ATP2B2: variants seen among roughly 807,000 people sequenced by gnomAD.
The protein encoded by ATP2B2 is plasma membrane calcium-transporting ATPase 2.
A neutral mutation model predicts 120.0 loss-of-function variants in ATP2B2; 15 were observed. That is an observed-to-expected ratio of 0.12 (90% CI 0.08 to 0.19). ATP2B2 has a LOEUF of 0.19. Among genes scored for constraint, ATP2B2 ranks in the 10% least tolerant of loss-of-function variants. The probability of loss-of-function intolerance (pLI) is 1.00; values close to 1 mark genes in which losing one functional copy is unlikely to be tolerated. For missense variants in ATP2B2, 1,045 were observed against 1,719.8 expected (o/e 0.61, Z 6.94); for synonymous variants, 694 against 700.3 (o/e 0.99, Z 0.14).
At chr3:10,386,114 G>T (rs772258757) in intron 7 of ATP2B2, among the ~76,000 whole-genome samples, 5 of 152,212 alleles carry the variant, frequency 3.3e-5, no homozygotes, top group African/African-American at 9.7e-5. Context: ...ACACTGTTGC[G>T]TGAGGGCATG....
intron 3 of ATP2B2, among the ~76,000 whole-genome samples, chr3:10,523,042 A>C (rs1246408547): frequency 1.3e-5 from 2 of 152,258 alleles, no homozygotes; most frequent in Non-Finnish European, 2.9e-5. Context: ...ACAGATGTGG[A>C]TAGTGAGGGT....
intron 2 of ATP2B2, among the ~76,000 whole-genome samples, chr3:10,562,174 G>A (rs1183265993): frequency 6.6e-6 from 1 of 152,150 alleles, no homozygotes; most frequent in Non-Finnish European, 1.5e-5. Flanking sequence ...CCATGGGTGG[G>A]GAGAAAAGCC....
intron 1 of ATP2B2, among the ~76,000 whole-genome samples, chr3:10,648,399 C>T (rs1408359407): frequency 2.0e-5 from 3 of 152,236 alleles, no homozygotes; most frequent in Non-Finnish European, 4.4e-5. Flanking sequence ...CCTTTCTCCT[C>T]CCAGCATCAA....
chr3:10,666,603 C>T (rs995561501), intron 1 of ATP2B2, among the ~76,000 whole-genome samples: 15 of 152,332 alleles, frequency 9.8e-5, no homozygotes, highest in East Asian at 7.7e-4. Flanking sequence ...TCTATGCATA[C>T]ACCAGATAAG....
In ATP2B2 at chr3:10,410,817, TG is replaced by T; in HGVS notation, c.200-3del. On this transcript the variant is annotated splice_polypyrimidine_tract_variant and splice_region_variant and intron_variant, in intron 2 of 22. Transcript: ENST00000360273. Reference sequence around the variant, plus strand: ...GGTCTGGAGCGGTGCCCGGCAAACCTGTGGACAGAGAACAGAGAGGTTGGCT... The same window carrying T: ...GGTCTGGAGCGGTGCCCGGCAAACCTTGGACAGAGAACAGAGAGGTTGGCT... 6.2e-7 allele frequency: 1 copy of T among 1,613,538 alleles called. No homozygotes were observed. Among genetic ancestry groups the T allele is most frequent in the Non-Finnish European group, 8.5e-7 (1 of 1,180,020 alleles).
chr3:10,436,557 T>C (rs546491213), intron 2 of ATP2B2, among the ~76,000 whole-genome samples: 203 of 152,168 alleles, frequency 1.3e-3, no homozygotes, highest in Non-Finnish European at 1.9e-3. Flanking sequence ...GCTTTTGTAG[T>C]GGATTTTTCC....
chr3:10,397,008 T>G (rs1214421140), intron 5 of ATP2B2, among the ~76,000 whole-genome samples: 1 of 152,208 alleles, frequency 6.6e-6, no homozygotes, highest in Non-Finnish European at 1.5e-5. Context: ...GGGATCCACT[T>G]ACATCATATC....
intron 1 of ATP2B2, among the ~76,000 whole-genome samples, chr3:10,481,590 G>A (rs1207374244): frequency 1.3e-5 from 2 of 152,092 alleles, no homozygotes; most frequent in African/African-American, 4.8e-5. Context: ...GTCTCGCTCC[G>A]TTACCTAGGC....
chr3:10,607,170 G>A (rs1342974012), intron 2 of ATP2B2, among the ~76,000 whole-genome samples: 4 of 152,252 alleles, frequency 2.6e-5, no homozygotes, highest in East Asian at 1.9e-4. Context: ...GGTTGACCAC[G>A]TACTGGCTGT....
chr3:10,391,927 G>GTC (rs2061864716), intron 5 of ATP2B2, among the ~76,000 whole-genome samples: 1 of 152,156 alleles, frequency 6.6e-6, no homozygotes. Flanking sequence ...GGGCCTTGGT[G>GTC]TCTACCTCCC....
At position 10,627,602 on chromosome 3, in the gene ATP2B2, C is replaced by T. The variant is rs2069740714; in HGVS notation, c.-459-7641G>A. ...TGAGAAAAATGACCTCTCCCCCTCG[C>T]TGGATCCTTGTGCAAGGTCGGGTGT... On this transcript the variant is annotated intron_variant, in intron 1 of 21. Transcript: ENST00000646379. Among the ~76,000 whole-genome samples, 4 of 152,176 alleles carry T rather than the reference C, an allele frequency of 2.6e-5. No homozygotes were observed. In the South Asian group the frequency reaches 8.3e-4, roughly 32 times the overall value.
At chr3:10,365,380 C>T (rs187107145) in intron 12 of ATP2B2, among the ~76,000 whole-genome samples, 1 of 152,330 alleles carries the variant, frequency 6.6e-6, no homozygotes, top group Non-Finnish European at 1.5e-5. Context: ...TTTGGCAGAA[C>T]TTGGTTCCCA....
rs139919641 is a variant in ATP2B2, at chr3:10,385,287, C to T, written c.981G>A (p.Ala327=). The part of the protein sequence containing the change: ...GAAASNAADS[A]NASLVNGKMQ... Reference sequence around the variant, plus strand: ...ACATACCATTGACTAGGCTGGCATTCGCACTATCTGCAGCATTTGAAGCTG... The same window carrying T: ...ACATACCATTGACTAGGCTGGCATTTGCACTATCTGCAGCATTTGAAGCTG... Residue 327 remains alanine, a synonymous_variant, in exon 8 of 23, where the codon GCG becomes GCA. Coordinates refer to ENST00000360273, the MANE Select transcript of ATP2B2 (RefSeq NM_001001331.4). 67 of 1,613,834 alleles carry T rather than the reference C, an allele frequency of 4.2e-5. No individual in the cohort carries two copies. The highest frequency in any genetic ancestry group is 3.8e-4 in the South Asian group (35 of 91,052).
chr3:10,425,301 T>C (rs511273), intron 2 of ATP2B2, among the ~76,000 whole-genome samples: 116,194 of 151,944 alleles, frequency 0.76, 45,770 homozygotes, highest in East Asian at 0.99. Flanking sequence ...CAGAGCGAGA[T>C]GCTGTCTCAA....
intron 2 of ATP2B2, among the ~76,000 whole-genome samples, chr3:10,539,123 T>C (rs948459744): frequency 4.6e-5 from 7 of 152,200 alleles, no homozygotes; most frequent in African/African-American, 1.2e-4. Context: ...CCATTCACAA[T>C]TGCTTCAAAG....
At chr3:10,389,480 A>T (rs1252509173) in intron 5 of ATP2B2, among the ~76,000 whole-genome samples, 1 of 152,246 alleles carries the variant, frequency 6.6e-6, no homozygotes, top group Non-Finnish European at 1.5e-5. Flanking sequence ...ATACTGCAGT[A>T]AGTAAGTGAG....
intron 8 of ATP2B2, among the ~76,000 whole-genome samples, chr3:10,384,190 A>G (rs929110408): frequency 6.6e-6 from 1 of 152,088 alleles, no homozygotes; most frequent in African/African-American, 2.4e-5. Flanking sequence ...GCTTGGGGAG[A>G]GGTCTAGGGC....
intron 2 of ATP2B2, among the ~76,000 whole-genome samples, chr3:10,558,218 C>T (rs1043501182): frequency 6.6e-6 from 1 of 152,206 alleles, no homozygotes; most frequent in Non-Finnish European, 1.5e-5. Flanking sequence ...CTGTGAGGCT[C>T]TGATGGGGCT....
intron 3 of ATP2B2, among the ~76,000 whole-genome samples, chr3:10,517,272 T>A (rs1050515418): frequency 6.6e-6 from 1 of 152,214 alleles, no homozygotes; most frequent in African/African-American, 2.4e-5. Context: ...AGTGTCACAC[T>A]GGGCAGATGC....
Sources: gnomAD v4.1 joint callset for allele counts (sites outside exome capture counted in the v4.1 genomes callset) on GRCh38, gnomAD v4.1.1 for gene constraint, MANE v1.5 for transcripts, NCBI Gene and HGNC (gene_info 2026-07-23, HGNC 2026-07-21) for gene names.